KMT2C: variants seen among roughly 807,000 people sequenced by gnomAD.
The protein encoded by KMT2C is histone-lysine N-methyltransferase 2C.
In KMT2C, 88 loss-of-function variants were observed where a neutral mutation model predicts 507.9. The ratio of observed to expected loss-of-function variants is 0.17; its 90% CI spans 0.15 to 0.21. KMT2C has a LOEUF of 0.21. Ranked by LOEUF, KMT2C falls within the 10% of genes least tolerant of loss-of-function variation. The pLI, the probability that KMT2C is intolerant of heterozygous loss-of-function variation, is 1.00. For missense variants in KMT2C, 4,954 were observed against 5,957.8 expected (o/e 0.83, Z 5.55); for synonymous variants, 2,049 against 2,080.8 (o/e 0.98, Z 0.42).
chr7:152,313,570 TTTTTA>T (rs1179999229), intron 4 of KMT2C, among the ~76,000 whole-genome samples: 3 of 152,128 alleles, frequency 2.0e-5, no homozygotes, highest in African/African-American at 7.2e-5. Flanking sequence ...ATTCTTGATT[TTTTTA>T]TTTAGTGAAA....
At chr7:152,149,420 G>C (rs566647060) in intron 51 of KMT2C, among the ~76,000 whole-genome samples, 8 of 152,264 alleles carry the variant, frequency 5.3e-5, no homozygotes, top group Admixed American at 3.9e-4. Context: ...AGAATATTCT[G>C]CTCTTACACT....
chr7:152,213,551 T>A (rs1476633538), intron 23 of KMT2C, among the ~76,000 whole-genome samples: 1 of 152,046 alleles, frequency 6.6e-6, no homozygotes, highest in East Asian at 1.9e-4. Context: ...ATCTTACACA[T>A]CATACATAAA....
chr7:152,161,137 T>A (rs2092434792), intron 43 of KMT2C, among the ~76,000 whole-genome samples: 1 of 152,124 alleles, frequency 6.6e-6, no homozygotes, highest in African/African-American at 2.4e-5. Flanking sequence ...GCTGGAGAGT[T>A]GCCTATATTT....
intron 55 of KMT2C, among the ~76,000 whole-genome samples, chr7:152,141,806 T>G (rs1429579131): frequency 6.6e-6 from 1 of 151,504 alleles, no homozygotes; most frequent in East Asian, 1.9e-4. Flanking sequence ...ATTGCTTGAG[T>G]TCAGAAGTTC....
chr7:152,424,718 G>A (rs903783121), intron 1 of KMT2C, among the ~76,000 whole-genome samples: 23 of 152,068 alleles, frequency 1.5e-4, no homozygotes, highest in African/African-American at 5.6e-4. Flanking sequence ...AAGCCCCCAC[G>A]CCGGCCCCTT....
At chr7:152,199,705 C>T (rs147325978) in intron 26 of KMT2C, among the ~76,000 whole-genome samples, 18 of 151,864 alleles carry the variant, frequency 1.2e-4, no homozygotes, top group African/African-American at 4.3e-4. Context: ...GAAATAAAAC[C>T]ACACAATTAT....
intron 31 of KMT2C, among the ~76,000 whole-genome samples, chr7:152,190,117 C>G (rs1047582432): frequency 2.0e-5 from 3 of 152,194 alleles, no homozygotes; most frequent in African/African-American, 7.2e-5. Context: ...ATCGCAAAAC[C>G]ATTCCCCAAC....
chr7:152,379,867 G>A (rs1422004101), intron 1 of KMT2C, among the ~76,000 whole-genome samples: 37 of 151,502 alleles, frequency 2.4e-4, no homozygotes, highest in African/African-American at 9.1e-4. Context: ...AGGCTGTAAT[G>A]GGAGGATCAC....
rs935900979 is a variant in KMT2C at position 152,150,796 on chromosome 7, G to C, written c.12774+104C>G. On this transcript the variant is annotated intron_variant, in intron 51 of 58. Transcript: ENST00000262189. Reference sequence around the variant, plus strand: ...GCACCTGCTTTGGATTCCCCACACAGAGCTCCATGAAGGCAGGGACACATC... The same window carrying C: ...GCACCTGCTTTGGATTCCCCACACACAGCTCCATGAAGGCAGGGACACATC... 16 of 787,750 alleles carry C rather than the reference G, an allele frequency of 2.0e-5. No individual in the cohort carries two copies. In the Admixed American group the frequency reaches 3.9e-4, roughly 19 times the overall value. 48.8% of individuals were successfully genotyped at this position (787,750 alleles called of 1,614,324 possible).
At chr7:152,294,112 TGCCTGCCTCA>T (rs1001358195) in intron 6 of KMT2C, among the ~76,000 whole-genome samples, 39 of 151,808 alleles carry the variant, frequency 2.6e-4, no homozygotes, top group African/African-American at 8.0e-4. Flanking sequence ...TCAAGTTATG[TGCCTGCCTCA>T]GCCTCCCAAA....
chr7:152,354,893 T>C (rs1411521879), intron 2 of KMT2C, among the ~76,000 whole-genome samples: 1 of 152,110 alleles, frequency 6.6e-6, no homozygotes, highest in Admixed American at 6.5e-5. Context: ...CTTTGGATGG[T>C]TGACAGAGGG....
chr7:152,244,885 G>A (rs2095444529), intron 14 of KMT2C, among the ~76,000 whole-genome samples: 2 of 152,106 alleles, frequency 1.3e-5, no homozygotes, highest in South Asian at 4.1e-4. Context: ...AATAGCACCT[G>A]AAATATTCCA....
chr7:152,203,406 A>G (rs2094204140), intron 25 of KMT2C, among the ~76,000 whole-genome samples: 1 of 152,100 alleles, frequency 6.6e-6, no homozygotes, highest in Admixed American at 6.5e-5. Context: ...TAAACTATTA[A>G]GAGAAATTCT....
At chr7:152,342,806 A>G (rs1045345020) in intron 2 of KMT2C, among the ~76,000 whole-genome samples, 1 of 152,226 alleles carries the variant, frequency 6.6e-6, no homozygotes, top group Non-Finnish European at 1.5e-5. Context: ...GGAGGGGAAA[A>G]GGAACCATTT....
At chr7:152,305,236 T>G (rs1393728155) in intron 6 of KMT2C, among the ~76,000 whole-genome samples, 1 of 152,112 alleles carries the variant, frequency 6.6e-6, no homozygotes, top group Non-Finnish European at 1.5e-5. Flanking sequence ...GAATATACAC[T>G]CTGTCAGAGG....
At position 152,154,080 on chromosome 7, in the gene KMT2C, C is replaced by G. The variant is rs535432925; in HGVS notation, c.12206G>C (p.Gly4069Ala). ...PGTLYFASPF[G>A]PSPNGPRSGL... ...TGATCTGGGACCATTTGGGGAAGGA[C>G]CAAAAGGTGACGCAAAATATAAAGT... The change falls in exon 48 of 59, where the codon GGT (glycine) becomes GCT (alanine). Residue 4069 changes from glycine (G) to alanine (A), a missense_variant. By Grantham distance (60) the Gly-to-Ala change is moderately conservative. Around this residue, in one of 29 missense-constraint regions of KMT2C, gnomAD observed 417 missense variants for 461.1 expected, o/e 0.90. Coordinates refer to ENST00000262189, the MANE Select transcript of KMT2C (RefSeq NM_170606.3). 29 of 1,613,812 alleles carry G rather than the reference C, an allele frequency of 1.8e-5. No individual in the cohort carries two copies.
Position 152,163,062 on chromosome 7 carries a change from A to C in KMT2C, c.10515T>G (p.Asn3505Lys), listed in dbSNP as rs537333869. 1.4e-5 allele frequency: 23 copies of C among 1,614,234 alleles called. No individual in the cohort carries two copies. In the South Asian group the frequency reaches 2.1e-4, roughly 15 times the overall value. The change falls in exon 43 of 59, where the codon AAT becomes AAG. Residue 3505 changes from asparagine to lysine, a missense_variant. Transcript: ENST00000262189. ...SPSTQTFMQT[N>K]ERRQVGPPSF... Reference sequence around the variant, plus strand: ...AAGGAGGGCCTACCTGCCTTCGCTCATTAGTCTGCATGAAAGTTTGGGTGG... The same window carrying C: ...AAGGAGGGCCTACCTGCCTTCGCTCCTTAGTCTGCATGAAAGTTTGGGTGG...
chr7:152,390,397 T>G (rs2097483055), intron 1 of KMT2C, among the ~76,000 whole-genome samples: 2 of 152,306 alleles, frequency 1.3e-5, no homozygotes, highest in Admixed American at 1.3e-4. Context: ...AACTAGGAAG[T>G]AGAAACTGAA....
chr7:152,362,258 C>CA (rs1339444430), intron 1 of KMT2C, among the ~76,000 whole-genome samples: 3 of 152,014 alleles, frequency 2.0e-5, no homozygotes, highest in African/African-American at 4.8e-5. Context: ...AAAAGCATTG[C>CA]AGTAGAAGTA....
Sources: gnomAD v4.1 joint callset for allele counts (sites outside exome capture counted in the v4.1 genomes callset) on GRCh38, gnomAD v4.1.1 for gene constraint, gnomAD v4.1.1 regional missense constraint, MANE v1.5 for transcripts, NCBI Gene and HGNC (gene_info 2026-07-23, HGNC 2026-07-21) for gene names.